The following TUBGCP2 variants were observed in gnomAD, a reference collection of about 807,000 sequenced individuals.
TUBGCP2 encodes the protein gamma-tubulin complex component 2.
In TUBGCP2, 55 loss-of-function variants were observed where a neutral mutation model predicts 92.2. The ratio of observed to expected loss-of-function variants is 0.60; its 90% CI spans 0.48 to 0.75. The LOEUF is 0.75. TUBGCP2 is among the 30% of genes least tolerant of loss of function. The pLI, the probability that TUBGCP2 is intolerant of heterozygous loss-of-function variation, is 0.00. For synonymous variants in TUBGCP2, 533 were observed against 505.2 expected (o/e 1.06, Z -0.74); for missense variants, 1,093 against 1,188.9 (o/e 0.92, Z 1.19).
chr10:133,283,955 T>G lies in TUBGCP2; in HGVS notation c.2072A>C (p.Gln691Pro). The stretch of plus-strand genomic sequence containing the variant: ...AAACATCATGTAGTATTGAATATTC[T>G]GGACGAAGTTGAGCATTCGCTGCCG... ...TLRQRMLNFV[Q>P]NIQYYMMFEV... Residue 691 changes from glutamine to proline, a missense_variant, in exon 14 of 18, where the codon CAG (glutamine) becomes CCG (proline). This residue lies in a region of TUBGCP2 where 598 missense variants were observed against 675.5 expected (regional missense o/e 0.89). Coordinates refer to ENST00000252936, the MANE Select transcript of TUBGCP2 (RefSeq NM_006659.4). 1 of 1,614,144 alleles carries G rather than the reference T, an allele frequency of 6.2e-7. No homozygotes were observed. The highest frequency in any genetic ancestry group is 1.1e-5 in the South Asian group (1 of 91,088).
At chr10:133,297,527 C>G (rs1221516255) in intron 5 of TUBGCP2, 2 of 387,510 alleles carry the variant, frequency 5.2e-6, no homozygotes, top group South Asian at 4.0e-5. Flanking sequence ...TACACGAACA[C>G]TACTTAAGAG....
Position 133,292,655 on chromosome 10 carries a change from C to T in TUBGCP2, c.1058G>A (p.Gly353Glu), listed in dbSNP as rs1438680088. The T allele has an allele frequency of 1.9e-6, 3 of 1,613,856 alleles. No homozygotes were observed. Among genetic ancestry groups the T allele is most frequent in the Admixed American group, 1.7e-5 (1 of 59,986 alleles). ...TSVDKGECLGGSTLSLLHDRS... is the reference protein window; with the variant it reads ...TSVDKGECLGESTLSLLHDRS... ...GTCGTGGAGCAGGCTCAGCGTGGAC[C>T]CCCCAAGACATTCGCCTTTGTCCAC... Residue 353 changes from glycine (G) to glutamate (E), a missense_variant, in exon 8 of 18, where the codon GGG becomes GAG. Gly to Glu is a moderately conservative substitution (Grantham distance 98, BLOSUM62 -2). Coordinates refer to ENST00000252936, the MANE Select transcript of TUBGCP2 (RefSeq NM_006659.4).
chr10:133,289,028 C>T lies in TUBGCP2; in HGVS notation c.1361-8G>A. ...CCACATTTAGATATTTTCCTGAAAA[C>T]ACAGAAATTCAAAATTTTATTCTCC... On this transcript the variant is annotated splice_region_variant and splice_polypyrimidine_tract_variant and intron_variant, in intron 9 of 17. Coordinates refer to ENST00000252936, the MANE Select transcript of TUBGCP2 (RefSeq NM_006659.4). The T allele has an allele frequency of 6.2e-7, 1 of 1,604,886 alleles. No homozygotes were observed. The highest frequency in any genetic ancestry group is 8.5e-7 in the Non-Finnish European group (1 of 1,173,534).
At chr10:133,299,683 A>AACCC in intron 3 of TUBGCP2, 80 bp from the exon 4 acceptor site, 1 of 1,284,112 alleles carries the variant, frequency 7.8e-7, no homozygotes, top group Non-Finnish European at 1.1e-6. Flanking sequence ...CGACACCACC[A>AACCC]GGACGGCTCC....
In TUBGCP2 at chr10:133,279,783, C is replaced by T. The variant is rs116122613; in HGVS notation, c.2692G>A (p.Ala898Thr). 9.5e-4 allele frequency: 1,485 copies of T among 1,561,658 alleles called. 11 individuals are homozygous for T. In the African/African-American group the frequency reaches 0.017, roughly 18 times the overall value. ...RGPPAPAPRV[A>T]VTAQ ...GCCAGGGCTCACTGTGCGGTGACTG[C>T]GACCCTGGGTGCAGGAGCCGGGGGC... is the stretch of plus-strand genomic sequence containing the variant. The change falls in exon 18 of 18, where the codon GCA becomes ACA. Residue 898 changes from alanine (A) to threonine (T), a missense_variant. By Grantham distance (58) the Ala-to-Thr change is moderately conservative. Around this residue, in one of 3 missense-constraint regions of TUBGCP2, gnomAD observed 598 missense variants for 675.5 expected, o/e 0.89. Coordinates refer to ENST00000252936, the MANE Select transcript of TUBGCP2 (RefSeq NM_006659.4).
upstream of TUBGCP2, chr10:133,309,447 G>A: frequency 6.2e-7 from 1 of 1,612,404 alleles, no homozygotes; most frequent in Non-Finnish European, 8.5e-7. Context: ...GGTGGCCGAC[G>A]TGCCTGAGAA....
chr10:133,292,520 C>T lies in TUBGCP2; in HGVS notation c.1193G>A (p.Gly398Asp), dbSNP rs754901540. Residue 398 changes from glycine (G) to aspartate (D), a missense_variant, in exon 8 of 18, where the codon GGC (glycine) becomes GAC (aspartate). By Grantham distance (94) the Gly-to-Asp change is moderately conservative (BLOSUM62 -1). Coordinates refer to ENST00000252936, the MANE Select transcript of TUBGCP2 (RefSeq NM_006659.4). ...CTACCTGTATGGGTCGTGGATGATGCCCCTGTAGATCCACTTCTCCAGAAC... is the reference window on the plus strand; with the variant it reads ...CTACCTGTATGGGTCGTGGATGATGTCCCTGTAGATCCACTTCTCCAGAAC... ...FEVLEKWIYRGIIHDPYSEFM... is the reference protein window; with the variant it reads ...FEVLEKWIYRDIIHDPYSEFM... 1 of 1,613,722 alleles carries T rather than the reference C, an allele frequency of 6.2e-7. No individual in the cohort carries two copies. Among genetic ancestry groups the T allele is most frequent in the Non-Finnish European group, 8.5e-7 (1 of 1,179,906 alleles).
At position 133,299,527 on chromosome 10, in the gene TUBGCP2, C is replaced by T. The variant is rs924789675; in HGVS notation, c.356G>A (p.Ser119Asn). 1 of 1,613,912 alleles carries T rather than the reference C, an allele frequency of 6.2e-7. No individual in the cohort carries two copies. Among genetic ancestry groups the T allele is most frequent in the Admixed American group, 1.7e-5 (1 of 60,026 alleles). ...GGAGGCCGCGGCAGGGACGTTGATGCTGGTGGTACTGCTGCCCACAGCAGC... is the reference window on the plus strand; with the variant it reads ...GGAGGCCGCGGCAGGGACGTTGATGTTGGTGGTACTGCTGCCCACAGCAGC... ...AAAAVGSSTT[S>N]INVPAAASKI... Residue 119 changes from serine to asparagine, a missense_variant, in exon 4 of 18, where the codon AGC (serine) becomes AAC (asparagine). Ser to Asn is a conservative substitution (Grantham distance 46). Transcript: ENST00000252936.
At position 133,281,355 on chromosome 10, in the gene TUBGCP2, C is replaced by T. The variant is rs752792702; in HGVS notation, c.2491G>A (p.Ala831Thr). ...CGGGCCAGGAGGTCCAGCAGGTGGGCTGAGAAGTTCTTGTCAAACTTGTTG... is the reference window on the plus strand; with the variant it reads ...CGGGCCAGGAGGTCCAGCAGGTGGGTTGAGAAGTTCTTGTCAAACTTGTTG... ...TINKFDKNFS[A>T]HLLDLLARLS... Residue 831 changes from alanine to threonine, a missense_variant, in exon 17 of 18, where the codon GCC becomes ACC. This residue lies in a region of TUBGCP2 where 598 missense variants were observed against 675.5 expected (regional missense o/e 0.89). Coordinates refer to ENST00000252936, the MANE Select transcript of TUBGCP2 (RefSeq NM_006659.4). 2.5e-6 allele frequency: 4 copies of T among 1,613,868 alleles called. No homozygotes were observed. The highest frequency in any genetic ancestry group is 2.5e-6 in the Non-Finnish European group (3 of 1,180,006).
chr10:133,300,661 G>A (rs1329691327), intron 2 of TUBGCP2: 2 of 152,938 alleles, frequency 1.3e-5, no homozygotes, highest in African/African-American at 2.4e-5. Context: ...ATTTTTTCTA[G>A]AGACAGGATT....
intron 10 of TUBGCP2, 91 bp downstream of exon 10, chr10:133,288,749 A>T (rs144627321): frequency 2.9e-5 from 41 of 1,396,994 alleles, no homozygotes; most frequent in Non-Finnish European, 3.5e-5. Flanking sequence ...CGGAGCTGCC[A>T]GAAGAAACCC....
intron 2 of TUBGCP2, among the ~76,000 whole-genome samples, chr10:133,301,079 T>C (rs1218846995): frequency 6.6e-6 from 1 of 152,244 alleles, no homozygotes; most frequent in Non-Finnish European, 1.5e-5. Flanking sequence ...GTTCATTGTA[T>C]ACACCTCACT....
chr10:133,307,008 G>C (rs1040345873), intron 1 of TUBGCP2, among the ~76,000 whole-genome samples: 1 of 152,156 alleles, frequency 6.6e-6, no homozygotes, highest in African/African-American at 2.4e-5. Context: ...ACTCTGGGGT[G>C]TCACGGTCAT....
intron 11 of TUBGCP2, among the ~76,000 whole-genome samples, chr10:133,286,157 C>T (rs867909876): frequency 1.3e-5 from 2 of 151,960 alleles, no homozygotes; most frequent in East Asian, 1.9e-4. Flanking sequence ...AAACAAGCAG[C>T]GGACAGACGA....
chr10:133,288,659 G>A (rs1351999966), intron 10 of TUBGCP2, among the ~76,000 whole-genome samples, 181 bp downstream of exon 10: 1 of 152,240 alleles, frequency 6.6e-6, no homozygotes, highest in Non-Finnish European at 1.5e-5. Context: ...AAGGTGACCG[G>A]GGGCCTACAC....
chr10:133,311,462 T>C (rs1380672209), upstream of TUBGCP2, among the ~76,000 whole-genome samples: 2 of 152,152 alleles, frequency 1.3e-5, no homozygotes, highest in Non-Finnish European at 2.9e-5. Flanking sequence ...AAAAATACTA[T>C]TTTCAAAAAA....
intron 1 of TUBGCP2, among the ~76,000 whole-genome samples, chr10:133,304,627 C>G (rs764552020): frequency 6.6e-6 from 1 of 152,134 alleles, no homozygotes; most frequent in Non-Finnish European, 1.5e-5. Context: ...GGCAAGAGAC[C>G]GAGGGCACGA....
Position 133,293,685 on chromosome 10 carries a change from C to G in TUBGCP2, c.701G>C (p.Ser234Thr), listed in dbSNP as rs771117585. ...CTGCCTCCCAGCCAGGGGCTGAGCA[C>G]TGACGTACCTCCCGTCCACGCCCAC... ...VLVGVDGRYV[S>T]AQPLAGRQSR... Residue 234 changes from serine (S) to threonine (T), a missense_variant, in exon 6 of 18, where the codon AGT (serine) becomes ACT (threonine). By Grantham distance (58) the Ser-to-Thr change is moderately conservative. This residue lies in a region of TUBGCP2 where 490 missense variants were observed against 488.5 expected (regional missense o/e 1.00). Transcript: ENST00000252936. 8.7e-6 allele frequency: 14 copies of G among 1,603,248 alleles called. No individual in the cohort carries two copies. In the South Asian group the frequency reaches 1.3e-4, roughly 15 times the overall value.
chr10:133,289,774 C>T (rs374473342), intron 9 of TUBGCP2, 50 bp downstream of exon 9: 19 of 88,940 alleles, frequency 2.1e-4, no homozygotes, highest in African/African-American at 1.2e-3. Context: ...AGGAGACTCT[C>T]CAGGCAGAGC....
Sources: gnomAD v4.1 joint callset for allele counts (sites outside exome capture counted in the v4.1 genomes callset) on GRCh38, gnomAD v4.1.1 for gene constraint, gnomAD v4.1.1 regional missense constraint, MANE v1.5 for transcripts, NCBI Gene and HGNC (gene_info 2026-07-23, HGNC 2026-07-21) for gene names.